The following EPS8L2 variants were observed in gnomAD, a reference collection of about 807,000 sequenced individuals.
The protein encoded by EPS8L2 is epidermal growth factor receptor kinase substrate 8-like protein 2.
In EPS8L2, 81 loss-of-function variants were observed where a neutral mutation model predicts 99.4. The ratio of observed to expected loss-of-function variants is 0.82; its 90% CI spans 0.68 to 0.98. The LOEUF (loss-of-function observed/expected upper bound fraction) is 0.98. Among genes scored for constraint, EPS8L2 ranks in the 50% least tolerant of loss-of-function variants. The pLI, the probability that EPS8L2 is intolerant of heterozygous loss-of-function variation, is 0.00. For synonymous variants in EPS8L2, 509 were observed against 407.3 expected, an observed-to-expected ratio of 1.25 and a Z score of -3.01; for missense variants, 1,155 against 968.8, an observed-to-expected ratio of 1.19 and a Z score of -2.55.
At chr11:709,531 C>T (rs1323967278) in intron 2 of EPS8L2, 22 bp from the exon 3 acceptor site, 1 of 1,612,440 alleles carries the variant, frequency 6.2e-7, no homozygotes, top group Non-Finnish European at 8.5e-7. Flanking sequence ...TTGGCCCTGC[C>T]CTGACAGCCC....
chr11:721,259 T>G (rs1590054122), intron 8 of EPS8L2, 26 bp from the exon 9 acceptor site: 1 of 1,537,692 alleles, frequency 6.5e-7, no homozygotes, highest in African/African-American at 1.4e-5. Context: ...GGGGGCTCGG[T>G]GAGCAGCCGC....
intron 16 of EPS8L2, among the ~76,000 whole-genome samples, chr11:725,485 TG>T (rs1255190980): frequency 6.6e-6 from 1 of 152,086 alleles, no homozygotes; most frequent in African/African-American, 2.4e-5. Context: ...CATTCCAGCC[TG>T]GGCGGCAGAG....
At chr11:712,366 C>T (rs1245185273) in intron 4 of EPS8L2, among the ~76,000 whole-genome samples, 1 of 151,480 alleles carries the variant, frequency 6.6e-6, no homozygotes, top group East Asian at 1.9e-4. Flanking sequence ...GCGAGCTGGG[C>T]TCCCGGTTGT....
chr11:715,098 C>G (rs930280282), intron 4 of EPS8L2, among the ~76,000 whole-genome samples: 2 of 152,052 alleles, frequency 1.3e-5, no homozygotes, highest in Non-Finnish European at 2.9e-5. Flanking sequence ...AAAAATTAGC[C>G]AGGTGGGATG....
chr11:724,525 C>G lies in EPS8L2; in HGVS notation c.1455-199C>G. ...CCACCTCCTGCCTGCCCCGCCTCCA[C>G]GCAGGGCCCCAAAGCTCTGGGGCTG... On this transcript the variant is annotated intron_variant, in intron 15 of 20. Transcript: ENST00000318562. This position sits in a 1 kb window ranked among gnomAD's most constrained non-coding sequence, Gnocchi z 5.5. The G allele has an allele frequency of 1.7e-6, 1 of 589,830 alleles. No homozygotes were observed. Among genetic ancestry groups the G allele is most frequent in the South Asian group, 2.0e-5 (1 of 50,872 alleles). The allele number at this position is 589,830 out of a possible 1,614,324, so 36.5% of individuals were successfully genotyped here.
At chr11:720,784 C>T in intron 6 of EPS8L2, 38 bp downstream of exon 6, 3 of 1,540,038 alleles carry the variant, frequency 1.9e-6, no homozygotes, top group Admixed American at 2.0e-5. Flanking sequence ...GGGGCCCCGC[C>T]GCGCCGCGCC....
At chr11:726,794 G>GC in intron 20 of EPS8L2, 43 bp downstream of exon 20, 1 of 1,579,022 alleles carries the variant, frequency 6.3e-7, no homozygotes, top group Admixed American at 1.8e-5. Context: ...TCCTGCCCCT[G>GC]CGCCCTCCTC....
chr11:716,938 G>C (rs954983490), intron 4 of EPS8L2, among the ~76,000 whole-genome samples: 6 of 152,140 alleles, frequency 3.9e-5, no homozygotes, highest in Non-Finnish European at 8.8e-5. Flanking sequence ...AGAGATGAGT[G>C]GCCTCATAGT....
At chr11:707,061 C>T (rs1187517897) in intron 1 of EPS8L2, among the ~76,000 whole-genome samples, 20 of 152,090 alleles carry the variant, frequency 1.3e-4, no homozygotes, top group African/African-American at 4.8e-4. Context: ...CCACCCCGTG[C>T]TCAGTCCTGG....
At chr11:719,258 C>T (rs1002270243) in intron 4 of EPS8L2, among the ~76,000 whole-genome samples, 7 of 152,256 alleles carry the variant, frequency 4.6e-5, no homozygotes, top group African/African-American at 9.6e-5. Context: ...TGAGCCACCG[C>T]GCCCGGCCAC....
At chr11:721,410 T>C (rs1862170946) in intron 9 of EPS8L2, 58 bp downstream of exon 9, 1 of 1,518,132 alleles carries the variant, frequency 6.6e-7, no homozygotes, top group South Asian at 1.2e-5. Flanking sequence ...CAGTGGACAC[T>C]GGTCCTTGCT....
rs371905684 is a variant in EPS8L2 at position 720,665 on chromosome 11, C to T, written c.396C>T (p.Tyr132=). 2.1e-5 allele frequency: 34 copies of T among 1,597,044 alleles called. No homozygotes were observed. The highest frequency in any genetic ancestry group is 7.0e-5 in the Admixed American group (4 of 57,056). ...RSQTVLNQLR[Y]PSVLLLVCQD... is the part of the protein sequence containing the mutation. ...AGACGGTCCTCAACCAGCTGCGCTA[C>T]CCGTCTGTGCTGCTGCTCGTGTGCC... The change falls in exon 6 of 21, where the codon TAC becomes TAT. Residue 132 remains tyrosine (Y), a synonymous_variant. Coordinates refer to ENST00000318562, the MANE Select transcript of EPS8L2 (RefSeq NM_022772.4).
At position 720,850 on chromosome 11, in the gene EPS8L2, C is replaced by T. The variant is rs867054985; in HGVS notation, c.498C>T (p.Asp166=). 13 of 1,531,166 alleles carry T rather than the reference C, an allele frequency of 8.5e-6. No individual in the cohort carries two copies. The highest frequency in any genetic ancestry group is 1.1e-5 in the Non-Finnish European group (13 of 1,140,754). 94.8% of individuals were successfully genotyped at this position (1,531,166 alleles called of 1,614,324 possible). ...CCCAGGCAGAGCTGGTGCACGAGGA[C>T]ATCGAGAGCGCGTTGGCCGACTGCC... ...DEVEAELVHE[D]IESALADCRL... The change falls in exon 7 of 21, where the codon GAC becomes GAT. Residue 166 remains aspartate, a synonymous_variant. Transcript: ENST00000318562.
chr11:726,622 C>T lies in EPS8L2; in HGVS notation c.1938C>T (p.Ile646=). The change falls in exon 20 of 21, where the codon ATC becomes ATT. Residue 646 remains isoleucine (I), a synonymous_variant. Transcript: ENST00000318562. The part of the protein sequence containing the change: ...WLEAKAFSPR[I]VENLGILTGP... Reference sequence around the variant, plus strand: ...ACGCCCAACTGCCCGCCCCCAGGATCGTGGAGAACCTGGGCATCCTGACCG... The same window carrying T: ...ACGCCCAACTGCCCGCCCCCAGGATTGTGGAGAACCTGGGCATCCTGACCG... The T allele has an allele frequency of 1.9e-6, 3 of 1,551,158 alleles. No homozygotes were observed. The highest frequency in any genetic ancestry group is 1.4e-5 in the African/African-American group (1 of 73,492).
At position 724,747 on chromosome 11, in the gene EPS8L2, T is replaced by C. The variant is rs776399035; in HGVS notation, c.1478T>C (p.Met493Thr). The change falls in exon 16 of 21, where the codon ATG becomes ACG. Residue 493 changes from methionine to threonine, a missense_variant. Coordinates refer to ENST00000318562, the MANE Select transcript of EPS8L2 (RefSeq NM_022772.4). The surrounding 1 kb of genome is among the most constrained non-coding windows in gnomAD (Gnocchi z 5.5). ...THRGYQPTPA[M>T]AKYVKILYDF... The stretch of plus-strand genomic sequence containing the variant: ...AGGGGCTACCAGCCAACACCAGCCA[T>C]GGCCAAGTACGTCAAGATCCTGTAT... The C allele has an allele frequency of 1.9e-6, 3 of 1,613,458 alleles. No individual in the cohort carries two copies. In the East Asian group the frequency reaches 6.7e-5, roughly 36 times the overall value.
chr11:722,126 C>G lies in EPS8L2; in HGVS notation c.1020C>G (p.Ala340=). 1 of 1,612,936 alleles carries G rather than the reference C, an allele frequency of 6.2e-7. No individual in the cohort carries two copies. Among genetic ancestry groups the G allele is most frequent in the Non-Finnish European group, 8.5e-7 (1 of 1,179,888 alleles). Residue 340 remains alanine (A), a synonymous_variant, in exon 12 of 21, where the codon GCC becomes GCG. Transcript: ENST00000318562. ...KLQKHIQNPS[A]AELVHFLFGP... ...AGAAGCACATCCAGAACCCCAGCGC[C>G]GCGGAGCTCGTGCACTTCCTCTTCG...
chr11:720,750 A>C lies in EPS8L2; in HGVS notation c.477+4A>C. ...CTTCCACTGCGATGAGGTGGAGGTG[A>C]GGCGGTGCCGGGCGGGGCAGGGTGG... On this transcript the variant is annotated splice_donor_region_variant and intron_variant, in intron 6 of 20. Transcript: ENST00000318562. The C allele has an allele frequency of 7.5e-7, 1 of 1,328,828 alleles. No homozygotes were observed. The highest frequency in any genetic ancestry group is 1.0e-6 in the Non-Finnish European group (1 of 987,782). 82.3% of individuals were successfully genotyped at this position (1,328,828 alleles called of 1,614,324 possible).
At chr11:714,124 G>A (rs1296777245) in intron 4 of EPS8L2, among the ~76,000 whole-genome samples, 4 of 152,204 alleles carry the variant, frequency 2.6e-5, no homozygotes, top group Non-Finnish European at 4.4e-5. Flanking sequence ...GGCATCCTAA[G>A]AAGTCATCCT....
chr11:721,597 G>A lies in EPS8L2; in HGVS notation c.801G>A (p.Glu267=). 6.4e-7 allele frequency: 1 copy of A among 1,571,182 alleles called. No individual in the cohort carries two copies. The highest frequency in any genetic ancestry group is 1.2e-5 in the South Asian group (1 of 86,208). The change falls in exon 10 of 21, where the codon GAG becomes GAA. Residue 267 remains glutamate (E), a synonymous_variant. Transcript: ENST00000318562. ...TCAACTGCGCCCTGGACGACATCGA[G>A]TGGTTTGTGGCCCGGCTGCAGAAGG... The part of the protein sequence containing the change: ...QILNCALDDI[E]WFVARLQKAA...
Sources: gnomAD v4.1 joint callset for allele counts (sites outside exome capture counted in the v4.1 genomes callset) on GRCh38, gnomAD v4.1.1 for gene constraint, Gnocchi (gnomAD v3.1) non-coding constraint, MANE v1.5 for transcripts, NCBI Gene and HGNC (gene_info 2026-07-23, HGNC 2026-07-21) for gene names.